Variants in DUSP18 observed in about 807,000 individuals in gnomAD.
The protein encoded by DUSP18 is dual specificity phosphatase 18, also known as dual specificity protein phosphatase 18.
A neutral mutation model predicts 6.3 loss-of-function variants in DUSP18; 4 were observed. The ratio of observed to expected loss-of-function variants is 0.63; its 90% confidence interval spans 0.31 to 1.45. The LOEUF is 1.45. DUSP18 is among the 40% of genes most tolerant of loss of function. DUSP18 has a pLI of 0.07. For missense variants in DUSP18, 235 were observed against 247.7 expected (o/e 0.95, Z 0.34); for synonymous variants, 96 against 95.1 (o/e 1.01, Z -0.05).
chr22:30,654,620 C>T, intron 2 of DUSP18: 9 of 463,462 alleles, frequency 1.9e-5, no homozygotes, highest in South Asian at 1.3e-4. Flanking sequence ...TGGTAGGTGC[C>T]TCGGGAAGGG....
At chr22:30,664,597 G>A (rs2088584695) in intron 1 of DUSP18, among the ~76,000 whole-genome samples, 1 of 152,222 alleles carries the variant, frequency 6.6e-6, no homozygotes, top group African/African-American at 2.4e-5. Flanking sequence ...CAGTGGCATG[G>A]AACCAGAGCC....
chr22:30,654,227 G>T (rs1399446775), intron 2 of DUSP18: 2 of 359,374 alleles, frequency 5.6e-6, no homozygotes, highest in Non-Finnish European at 1.1e-5. Context: ...CTCCTGATCT[G>T]CCCGCCTCCG....
chr22:30,658,812 G>A (rs1043305017), downstream of DUSP18, among the ~76,000 whole-genome samples: 7 of 152,136 alleles, frequency 4.6e-5, no homozygotes, highest in Non-Finnish European at 7.3e-5. Context: ...GGGGGCATAA[G>A]CTTAGGACTG....
chr22:30,655,745 C>T (rs1001534213), intron 2 of DUSP18, among the ~76,000 whole-genome samples: 20 of 151,960 alleles, frequency 1.3e-4, no homozygotes, highest in African/African-American at 4.6e-4. Flanking sequence ...TTCTTATGCA[C>T]GGATGGCATT....
rs377416793 is a variant in DUSP18 at position 30,663,930 on chromosome 22, T to C, written c.74A>G (p.Lys25Arg). The C allele has an allele frequency of 5.6e-6, 9 of 1,614,166 alleles. No homozygotes were observed. The highest frequency in any genetic ancestry group is 2.2e-5 in the South Asian group (2 of 91,070). The change falls in exon 2 of 2, where the codon AAA (lysine) becomes AGA (arginine). Residue 25 changes from lysine (K) to arginine (R), a missense_variant. Lys to Arg is a conservative substitution (Grantham distance 26, BLOSUM62 2). Coordinates refer to ENST00000334679, the MANE Select transcript of DUSP18 (RefSeq NM_152511.5). ...PSVSGLSQIT[K>R]SLYISNGVAA... ...CACACCATTGCTGATATACAGGCTT[T>C]TGGTTATCTGCGAGAGGCCGCTGAC... is the stretch of plus-strand genomic sequence containing the variant.
chr22:30,665,259 T>C (rs1167013244), intron 1 of DUSP18: 3 of 207,420 alleles, frequency 1.4e-5, no homozygotes, highest in Non-Finnish European at 3.0e-5. Context: ...CTGCTTAATA[T>C]ATTTCAGTGG....
Position 30,663,263 on chromosome 22 carries a change from T to G in DUSP18, c.*174A>C, listed in dbSNP as rs2240002. On this transcript the variant is annotated 3_prime_UTR_variant, in exon 2 of 2. Transcript: ENST00000334679. ...CACCATCTCACAATTAGTTTAATCT[T>G]AAAAAAAATGGATTATAAAGTTAAA... 0.56 allele frequency: 383,313 copies of G among 682,790 alleles called. 112,863 individuals are homozygous for G. Among genetic ancestry groups the G allele is most frequent in the South Asian group, 0.66 (30,797 of 46,906 alleles). The allele number at this position is 682,790 out of a possible 1,614,324, so 42.3% of individuals were successfully genotyped here.
At chr22:30,656,555 T>A (rs1386231764), downstream of DUSP18, among the ~76,000 whole-genome samples, 1 of 152,208 alleles carries the variant, frequency 6.6e-6, no homozygotes, top group East Asian at 1.9e-4. Context: ...AAAAGAGGCC[T>A]AGAATCCCTG....
At chr22:30,656,014 T>TG (rs1211873439) in intron 2 of DUSP18, among the ~76,000 whole-genome samples, 1 of 151,932 alleles carries the variant, frequency 6.6e-6, no homozygotes, top group Non-Finnish European at 1.5e-5. Context: ...ACTCTGTTGC[T>TG]GAGGACGCAG....
At chr22:30,655,296 A>G (rs2088312883) in intron 2 of DUSP18, among the ~76,000 whole-genome samples, 1 of 143,992 alleles carries the variant, frequency 6.9e-6, no homozygotes, top group Non-Finnish European at 1.5e-5. Flanking sequence ...TCTCTACGGA[A>G]AAAAAAAAAA....
At chr22:30,656,102 T>C (rs2088333775) in intron 2 of DUSP18, among the ~76,000 whole-genome samples, 1 of 151,924 alleles carries the variant, frequency 6.6e-6, no homozygotes, top group Non-Finnish European at 1.5e-5. Flanking sequence ...GCTTCCCAAG[T>C]AGCTGGGACT....
At position 30,663,580 on chromosome 22, in the gene DUSP18, G is replaced by A. The variant is rs763517501; in HGVS notation, c.424C>T (p.Arg142Ter). ...TWTKSCRPII[R>*]PNSGFWEQLI... ...TGCTCCCAAAAGCCGCTGTTGGGTC[G>A]GATGATGGGCCGGCATGACTTGGTC... The change falls in exon 2 of 2, where the codon CGA (arginine) becomes TGA (stop). Residue 142 changes from arginine (R) to a stop codon, truncating the protein, a stop_gained. Transcript: ENST00000334679. LOFTEE classifies it high-confidence loss of function. 2.5e-5 allele frequency: 41 copies of A among 1,614,076 alleles called. No homozygotes were observed. The highest frequency in any genetic ancestry group is 3.0e-5 in the Non-Finnish European group (35 of 1,180,032).
chr22:30,654,306 C>T (rs1366672723), intron 2 of DUSP18: 1 of 459,668 alleles, frequency 2.2e-6, no homozygotes, highest in Non-Finnish European at 4.3e-6. Context: ...GTTTCTTATT[C>T]TGGTAGTGGA....
Position 30,663,619 on chromosome 22 carries a change from C to A in DUSP18, c.385G>T (p.Asp129Tyr), listed in dbSNP as rs1169738683. 6.2e-7 allele frequency: 1 copy of A among 1,614,182 alleles called. No individual in the cohort carries two copies. Among genetic ancestry groups the A allele is most frequent in the African/African-American group, 1.3e-5 (1 of 75,026 alleles). Reference protein sequence around the residue: ...LMKYHAMSLLDAHTWTKSCRP... With the variant: ...LMKYHAMSLLYAHTWTKSCRP... ...CATGACTTGGTCCACGTGTGGGCGT[C>A]CAGCAGGGACATGGCGTGGTACTTC... The change falls in exon 2 of 2, where the codon GAC becomes TAC. Residue 129 changes from aspartate to tyrosine, a missense_variant. Asp to Tyr is a radical substitution (Grantham distance 160). Coordinates refer to ENST00000334679, the MANE Select transcript of DUSP18 (RefSeq NM_152511.5).
intron 1 of DUSP18, chr22:30,667,013 C>T (rs1292192989): frequency 6.6e-6 from 1 of 152,008 alleles, no homozygotes; most frequent in Non-Finnish European, 1.5e-5. Context: ...CTGAAGAAAT[C>T]ACAAAAGATC....
intron 2 of DUSP18, among the ~76,000 whole-genome samples, chr22:30,653,048 G>C (rs1292496268): frequency 1.3e-5 from 2 of 152,142 alleles, no homozygotes; most frequent in Non-Finnish European, 2.9e-5. Context: ...TTCTGGGTGG[G>C]GTCTTGTCAG....
chr22:30,656,246 G>C lies in DUSP18; in HGVS notation c.*34-3949C>G, dbSNP rs149103757. 9.2e-4 allele frequency among the ~76,000 whole-genome samples: 140 copies of C among 152,110 alleles called. 1 individual carries two copies. Among genetic ancestry groups the C allele is most frequent in the Middle Eastern group, 3.4e-3 (1 of 294 alleles). ...CCTGCCTCAGCCACCCAAAGGGCTGGGATTACAGGCATGAGCCACTGCACT... is the reference window on the plus strand; with the variant it reads ...CCTGCCTCAGCCACCCAAAGGGCTGCGATTACAGGCATGAGCCACTGCACT... On this transcript the variant is annotated intron_variant, in intron 2 of 2. Transcript: ENST00000404885.
rs752463721 is a variant in DUSP18 at position 30,663,977 on chromosome 22, T to C, written c.27A>G (p.Pro9=). 1.2e-6 allele frequency: 2 copies of C among 1,613,906 alleles called. No individual in the cohort carries two copies. Among genetic ancestry groups the C allele is most frequent in the East Asian group, 2.2e-5 (1 of 44,882 alleles). Residue 9 remains proline (P), a synonymous_variant, in exon 2 of 2, where the codon CCA becomes CCG. Transcript: ENST00000334679. MTAPSCAF[P]VQFRQPSVSG... ...TGACTGAGGGCTGCCGGAACTGAAC[T>C]GGGAAGGCACACGAGGGTGCTGTCA...
chr22:30,654,487 G>T, intron 2 of DUSP18: 3 of 431,456 alleles, frequency 7.0e-6, no homozygotes, highest in South Asian at 5.1e-5. Context: ...AGGGTGGTGG[G>T]ATGCCGTTAA....
Sources: gnomAD v4.1 joint callset for allele counts (sites outside exome capture counted in the v4.1 genomes callset) on GRCh38, gnomAD v4.1.1 for gene constraint, MANE v1.5 for transcripts, NCBI Gene and HGNC (gene_info 2026-07-23, HGNC 2026-07-21) for gene names.